The following ARHGEF9 variants were observed in gnomAD, a reference collection of about 807,000 sequenced individuals.
The protein encoded by ARHGEF9 is Cdc42 guanine nucleotide exchange factor 9.
In ARHGEF9, 2 loss-of-function variants were observed where a neutral mutation model predicts 41.3. The ratio of observed to expected loss-of-function variants is 0.05; its 90% CI spans 0.02 to 0.15. The LOEUF is 0.15. Among genes scored for constraint, ARHGEF9 ranks in the 10% least tolerant of loss-of-function variants. The pLI is 1.00. For synonymous variants in ARHGEF9, 160 were observed against 154.4 expected, an observed-to-expected ratio of 1.04 and a Z score of -0.27; for missense variants, 225 against 424.7, an observed-to-expected ratio of 0.53 and a Z score of 4.13.
intron 1 of ARHGEF9, chrX:63,732,062 T>C: frequency 8.9e-6 from 1 of 112,029 alleles, no homozygotes; most frequent in Middle Eastern, 4.6e-3. Context: ...AAATGAGAAC[T>C]TTTTCCTGAA....
intron 7 of ARHGEF9, among the ~76,000 whole-genome samples, chrX:63,660,092 G>A (rs79037991): frequency 2.7e-5 from 3 of 111,948 alleles, no homozygotes; most frequent in Non-Finnish European, 5.6e-5. Flanking sequence ...ACATGCACGC[G>A]TATGTTCACT....
chrX:63,776,883 C>A (rs1225299143), intron 1 of ARHGEF9, among the ~76,000 whole-genome samples: 1 of 111,428 alleles, frequency 9.0e-6, no homozygotes, highest in East Asian at 2.8e-4. Context: ...CTCCCAATCC[C>A]TCTGAGCTCA....
At chrX:63,675,503 T>G (rs1164303399) in intron 5 of ARHGEF9, among the ~76,000 whole-genome samples, 1 of 112,082 alleles carries the variant, frequency 8.9e-6, no homozygotes, top group Non-Finnish European at 1.9e-5. Flanking sequence ...TCACTCCCTC[T>G]CTCATTGACT....
At chrX:63,730,432 C>A (rs1331774841) in intron 1 of ARHGEF9, among the ~76,000 whole-genome samples, 1 of 111,731 alleles carries the variant, frequency 9.0e-6, no homozygotes, top group South Asian at 3.8e-4. Context: ...ATTTGCCAGT[C>A]CCCCATGGAA....
chrX:63,638,126 C>A lies in ARHGEF9; in HGVS notation c.1474G>T (p.Gly492Cys). ...TCAAAGACCTGCGACTGAGCGATGC[C>A]GTCGGGGACCAGGTACTGGCCGTGG... The part of the protein sequence containing the change: ...LNHGQYLVPD[G>C]IAQSQVFEFT... The change falls in exon 10 of 10, where the codon GGC becomes TGC. Residue 492 changes from glycine to cysteine, a missense_variant. Gly to Cys is a radical substitution (Grantham distance 159, BLOSUM62 -3). Around this residue, in one of 3 missense-constraint regions of ARHGEF9, gnomAD observed 75 missense variants for 113.2 expected, o/e 0.66. Coordinates refer to ENST00000671741, the MANE Select transcript of ARHGEF9 (RefSeq NM_001353921.2). 8.3e-7 allele frequency: 1 copy of A among 1,206,596 alleles called. No homozygotes were observed.
chrX:63,733,834 T>C (rs2054459262), intron 1 of ARHGEF9, among the ~76,000 whole-genome samples: 1 of 112,127 alleles, frequency 8.9e-6, no homozygotes, highest in Non-Finnish European at 1.9e-5. Flanking sequence ...GAGCCCAATA[T>C]GAACAGTGGT....
chrX:63,750,218 G>C (rs1444060743), intron 1 of ARHGEF9, among the ~76,000 whole-genome samples: 1 of 112,012 alleles, frequency 8.9e-6, no homozygotes, highest in Non-Finnish European at 1.9e-5. Flanking sequence ...AAAGGCTAAA[G>C]AGGAAGACAT....
intron 1 of ARHGEF9, among the ~76,000 whole-genome samples, chrX:63,747,114 CA>C (rs2055323621): frequency 8.9e-6 from 1 of 112,321 alleles, no homozygotes; most frequent in Non-Finnish European, 1.9e-5. Context: ...TCGTGTTGAT[CA>C]TTAATATTAA....
In ARHGEF9 at chrX:63,767,150, G is replaced by A. The variant is rs191965626; in HGVS notation, c.30+17966C>T. ...CAGGCCATGCTGTGACAAAGCAGCT[G>A]ACAGAAATGCCATGCAGCATCTTAA... On this transcript the variant is annotated intron_variant, in intron 1 of 9. Coordinates refer to ENST00000671741, the MANE Select transcript of ARHGEF9 (RefSeq NM_001353921.2). The A allele has an allele frequency of 1.8e-4, 157 of 864,135 alleles. No individual in the cohort carries two copies. The African/African-American group carries it at 2.7e-3, about 15-fold the overall frequency. 71.2% of individuals were successfully genotyped at this position (864,135 alleles called of 1,213,427 possible).
At chrX:63,710,634 T>C (rs1433288591) in intron 2 of ARHGEF9, among the ~76,000 whole-genome samples, 2 of 110,333 alleles carry the variant, frequency 1.8e-5, no homozygotes, top group African/African-American at 6.6e-5. Context: ...CACCCTTTCA[T>C]GATTAAAAAA....
chrX:63,752,903 A>C (rs1351331170), intron 1 of ARHGEF9, among the ~76,000 whole-genome samples: 3 of 111,956 alleles, frequency 2.7e-5, no homozygotes, highest in Non-Finnish European at 5.6e-5. Flanking sequence ...GTGGAGGGGG[A>C]GCATGTGTGT....
intron 7 of ARHGEF9, among the ~76,000 whole-genome samples, chrX:63,664,843 A>T (rs2049424246): frequency 9.0e-6 from 1 of 111,613 alleles, no homozygotes; most frequent in African/African-American, 3.3e-5. Context: ...GATTCAATAC[A>T]AGATATGGCA....
At chrX:63,667,350 C>T (rs1232907670) in intron 6 of ARHGEF9, among the ~76,000 whole-genome samples, 1 of 111,371 alleles carries the variant, frequency 9.0e-6, no homozygotes, top group Non-Finnish European at 1.9e-5. Flanking sequence ...ATGCTCACTC[C>T]TTGTACTATA....
chrX:63,647,808 A>T (rs2048220287), intron 8 of ARHGEF9, among the ~76,000 whole-genome samples: 1 of 111,360 alleles, frequency 9.0e-6, no homozygotes, highest in African/African-American at 3.3e-5. Flanking sequence ...AAGGAATGGT[A>T]CCAGCTCCTC....
At chrX:63,741,202 A>G (rs1198033611) in intron 1 of ARHGEF9, among the ~76,000 whole-genome samples, 5 of 112,746 alleles carry the variant, frequency 4.4e-5, no homozygotes, top group African/African-American at 1.6e-4. Context: ...AGCTTTCTGC[A>G]TTGATCAATC....
chrX:63,644,637 TA>T (rs1295223561), intron 8 of ARHGEF9, among the ~76,000 whole-genome samples: 11 of 105,858 alleles, frequency 1.0e-4, no homozygotes, highest in Non-Finnish European at 1.6e-4. Flanking sequence ...AACTTCAGGA[TA>T]AAAAAAAAAT....
intron 3 of ARHGEF9, among the ~76,000 whole-genome samples, chrX:63,702,860 A>C (rs1338393508): frequency 8.9e-6 from 1 of 112,103 alleles, no homozygotes; most frequent in African/African-American, 3.2e-5. Context: ...TAAGAGCCAA[A>C]CAGAACTTAA....
At chrX:63,676,015 C>T (rs2050241212) in intron 5 of ARHGEF9, among the ~76,000 whole-genome samples, 1 of 112,012 alleles carries the variant, frequency 8.9e-6, no homozygotes, top group African/African-American at 3.2e-5. Context: ...GTGCAACAAC[C>T]GCACATCTTT....
rs1602140178 is a variant in ARHGEF9 at position 63,636,761 on chromosome X, G to C, written c.*1267C>G. On this transcript the variant is annotated 3_prime_UTR_variant, in exon 10 of 10. Coordinates refer to ENST00000671741, the MANE Select transcript of ARHGEF9 (RefSeq NM_001353921.2). Reference sequence around the variant, plus strand: ...TGCAGGTACAATACTGTGGATCAAGGCTATCTCTTTCCATTCCCATCCCTG... The same window carrying C: ...TGCAGGTACAATACTGTGGATCAAGCCTATCTCTTTCCATTCCCATCCCTG... The C allele has an allele frequency of 6.8e-6, 2 of 295,852 alleles. No individual in the cohort carries two copies. Among genetic ancestry groups the C allele is most frequent in the African/African-American group, 2.7e-5 (1 of 36,939 alleles). 24.4% of individuals were successfully genotyped at this position (295,852 alleles called of 1,213,427 possible). A position where few individuals can be genotyped will look rare whatever the true frequency, so the allele number is the denominator to read the frequency against.
Sources: gnomAD v4.1 joint callset for allele counts (sites outside exome capture counted in the v4.1 genomes callset) on GRCh38, gnomAD v4.1.1 for gene constraint, gnomAD v4.1.1 regional missense constraint, MANE v1.5 for transcripts, NCBI Gene and HGNC (gene_info 2026-07-23, HGNC 2026-07-21) for gene names.